LFNG: variants seen among roughly 807,000 people sequenced by gnomAD.
LFNG encodes the protein LFNG O-fucosylpeptide 3-beta-N-acetylglucosaminyltransferase, also known as beta-1,3-N-acetylglucosaminyltransferase lunatic fringe.
A neutral mutation model predicts 32.7 loss-of-function variants in LFNG; 15 were observed. The observed-to-expected ratio is 0.46, with a 90% CI of 0.31 to 0.71. The LOEUF is 0.71. Among genes scored for constraint, LFNG ranks in the 30% least tolerant of loss-of-function variants. The pLI is 0.06. For synonymous variants in LFNG, 274 were observed against 246.8 expected (o/e 1.11, Z -1.03); for missense variants, 520 against 545.7 (o/e 0.95, Z 0.47).
At chr7:2,524,161 C>T (rs1779872053) in intron 1 of LFNG, among the ~76,000 whole-genome samples, 1 of 152,224 alleles carries the variant, frequency 6.6e-6, no homozygotes, top group South Asian at 2.1e-4. Context: ...CTTTGTCCGC[C>T]AGGGCTTGGC....
chr7:2,524,378 C>T (rs757363816), intron 1 of LFNG, among the ~76,000 whole-genome samples: 3 of 152,200 alleles, frequency 2.0e-5, no homozygotes, highest in Admixed American at 6.5e-5. Flanking sequence ...ACCTGGCGGG[C>T]GGGCGAGGCG....
At chr7:2,518,225 C>T (rs1779677286), upstream of LFNG, among the ~76,000 whole-genome samples, 1 of 152,224 alleles carries the variant, frequency 6.6e-6, no homozygotes, top group Non-Finnish European at 1.5e-5. Flanking sequence ...GGCTCCAGGG[C>T]TAGGCTCTGG....
chr7:2,523,194 C>CCCT (rs1779842482), intron 1 of LFNG, among the ~76,000 whole-genome samples: 1 of 152,224 alleles, frequency 6.6e-6, no homozygotes, highest in East Asian at 1.9e-4. Context: ...CAGGGGCTGG[C>CCCT]CCTCCGCCTC....
At chr7:2,517,769 G>T, upstream of LFNG, 1 of 750,202 alleles carries the variant, frequency 1.3e-6, no homozygotes, top group Non-Finnish European at 2.0e-6. Flanking sequence ...GCAGGGGATT[G>T]AGGAGGGATT....
At chr7:2,524,038 G>A (rs13234810) in intron 1 of LFNG, among the ~76,000 whole-genome samples, 87,743 of 152,028 alleles carry the variant, frequency 0.58, 26,521 homozygotes, top group Non-Finnish European at 0.67. Context: ...GTAATGGGCG[G>A]CGCGGCCACT....
chr7:2,521,998 C>T (rs1034309800), intron 1 of LFNG, among the ~76,000 whole-genome samples: 1 of 152,162 alleles, frequency 6.6e-6, no homozygotes, highest in Non-Finnish European at 1.5e-5. Context: ...CACCAGCACA[C>T]AGCAAGCAAA....
At chr7:2,522,394 G>T (rs1465770086) in intron 1 of LFNG, among the ~76,000 whole-genome samples, 1 of 152,214 alleles carries the variant, frequency 6.6e-6, no homozygotes, top group Admixed American at 6.5e-5. Context: ...GCTGAGATGG[G>T]CCTGGAGTCC....
intron 1 of LFNG, among the ~76,000 whole-genome samples, chr7:2,521,013 G>A (rs1003957281): frequency 2.0e-5 from 3 of 152,222 alleles, no homozygotes; most frequent in African/African-American, 7.2e-5. Flanking sequence ...TGGGGACAGT[G>A]TGTGGGGCTT....
rs140627680 is a variant in LFNG, at chr7:2,527,563, A to G, written c.*351A>G. Reference sequence around the variant, plus strand: ...GCTACGGGGCTCCGGGCTACTTTGCAGGGATGCGATGCGTAGGTGCCTTTC... The same window carrying G: ...GCTACGGGGCTCCGGGCTACTTTGCGGGGATGCGATGCGTAGGTGCCTTTC... On this transcript the variant is annotated 3_prime_UTR_variant, in exon 8 of 8. Coordinates refer to ENST00000222725, the MANE Select transcript of LFNG (RefSeq NM_001040167.2). This position sits in a 1 kb window ranked among gnomAD's most constrained non-coding sequence, Gnocchi z 4.4. 1.6e-6 allele frequency: 2 copies of G among 1,240,242 alleles called. No homozygotes were observed. Among genetic ancestry groups the G allele is most frequent in the Non-Finnish European group, 2.0e-6 (2 of 976,280 alleles). 76.8% of individuals were successfully genotyped at this position (1,240,242 alleles called of 1,614,324 possible). A position where few individuals can be genotyped will look rare whatever the true frequency, so the allele number is the denominator to read the frequency against.
At chr7:2,522,137 C>T (rs1025784673) in intron 1 of LFNG, among the ~76,000 whole-genome samples, 11 of 152,098 alleles carry the variant, frequency 7.2e-5, no homozygotes, top group African/African-American at 2.7e-4. Context: ...CAGGGCTGTG[C>T]GGGGGGAAAA....
upstream of LFNG, among the ~76,000 whole-genome samples, chr7:2,519,074 G>T: frequency 6.6e-6 from 1 of 152,186 alleles, no homozygotes; most frequent in Non-Finnish European, 1.5e-5. Context: ...GTTTCTCCTC[G>T]CCATGGGGCG....
intron 2 of LFNG, 43 bp from the exon 3 acceptor site, chr7:2,525,176 G>T: frequency 6.4e-7 from 1 of 1,558,092 alleles, no homozygotes. Flanking sequence ...CCCCTCTCTG[G>T]GAGCCGGCTC....
chr7:2,527,104 G>A lies in LFNG; in HGVS notation c.1074-42G>A. On this transcript the variant is annotated intron_variant, in intron 7 of 7. Coordinates refer to ENST00000222725, the MANE Select transcript of LFNG (RefSeq NM_001040167.2). The surrounding 1 kb of genome is among the most constrained non-coding windows in gnomAD (Gnocchi z 4.4). ...GACTGCAAATGGGAGCTCAGCACCT[G>A]CCTGCCACCCACGCAGACCAGCCCC... 1.3e-6 allele frequency: 2 copies of A among 1,593,008 alleles called. No homozygotes were observed. The highest frequency in any genetic ancestry group is 8.6e-7 in the Non-Finnish European group (1 of 1,163,408).
intron 1 of LFNG, among the ~76,000 whole-genome samples, chr7:2,523,979 C>T (rs568927372): frequency 6.6e-6 from 1 of 152,278 alleles, no homozygotes; most frequent in South Asian, 2.1e-4. Context: ...GCACCCTACG[C>T]GCGGGACCTC....
In LFNG at chr7:2,528,362, CAG is replaced by C; in HGVS notation, c.*1151_*1152del. The C allele has an allele frequency of 8.1e-6, 8 of 986,290 alleles. No individual in the cohort carries two copies. Among genetic ancestry groups the C allele is most frequent in the Non-Finnish European group, 9.6e-6 (8 of 830,110 alleles). 61.1% of individuals were successfully genotyped at this position (986,290 alleles called of 1,614,324 possible). ...AAGCGAATGATAAGGGAAAAGTTCT[CAG>C]GGAATTGAAGTGTTGTTGCTATGGT... is the stretch of plus-strand genomic sequence containing the variant. On this transcript the variant is annotated 3_prime_UTR_variant, in exon 8 of 8. Coordinates refer to ENST00000222725, the MANE Select transcript of LFNG (RefSeq NM_001040167.2).
upstream of LFNG, chr7:2,517,539 C>T (rs1779657472): frequency 2.5e-6 from 1 of 400,700 alleles, no homozygotes. Flanking sequence ...GTCAAAGGCA[C>T]CGCAGTCAGG....
rs1224685050 is a variant in LFNG, at chr7:2,520,130, C to T, written c.269C>T (p.Pro90Leu). ...ACCCGCGCGCGCAGAGATGCGGGCC[C>T]GCCGCCCGGGGCTGCCCCCCGCCCC... ...LLTRARRDAG[P>L]PPGAAPRPAD... Residue 90 changes from proline to leucine, a missense_variant, in exon 1 of 8, where the codon CCG (proline) becomes CTG (leucine). This residue lies in a region of LFNG where 360 missense variants were observed against 354.7 expected (regional missense o/e 1.01). Coordinates refer to ENST00000222725, the MANE Select transcript of LFNG (RefSeq NM_001040167.2). The surrounding 1 kb of genome is among the most constrained non-coding windows in gnomAD (Gnocchi z 5.0). The T allele has an allele frequency of 1.5e-6, 2 of 1,366,236 alleles. No homozygotes were observed. Among genetic ancestry groups the T allele is most frequent in the African/African-American group, 1.5e-5 (1 of 65,250 alleles). The allele number at this position is 1,366,236 out of a possible 1,614,324, so 84.6% of individuals were successfully genotyped here.
rs1562554647 is a variant in LFNG, at chr7:2,525,586, C to T, written c.735+19C>T. 3.1e-6 allele frequency: 5 copies of T among 1,612,126 alleles called. No homozygotes were observed. Among genetic ancestry groups the T allele is most frequent in the South Asian group, 1.1e-5 (1 of 90,952 alleles). ...CAAGGTGGTGAGTGCCTGCCCCTCC[C>T]AGTCCCCCACGCCCACGCGGAGCGC... On this transcript the variant is annotated intron_variant, in intron 4 of 7. Coordinates refer to ENST00000222725, the MANE Select transcript of LFNG (RefSeq NM_001040167.2).
chr7:2,526,803 C>A lies in LFNG; in HGVS notation c.988-33C>A, dbSNP rs777288540. On this transcript the variant is annotated intron_variant, in intron 6 of 7. Transcript: ENST00000222725. The surrounding 1 kb of genome is among the most constrained non-coding windows in gnomAD (Gnocchi z 6.9). Reference sequence around the variant, plus strand: ...GGGGCGGGGCCCAGGGATGTCGGGCCCCTCCCGGCATCACTCCGCCCGCTC... The same window carrying A: ...GGGGCGGGGCCCAGGGATGTCGGGCACCTCCCGGCATCACTCCGCCCGCTC... The A allele has an allele frequency of 6.2e-7, 1 of 1,600,910 alleles. No individual in the cohort carries two copies. Among genetic ancestry groups the A allele is most frequent in the Admixed American group, 1.7e-5 (1 of 59,860 alleles).
Sources: gnomAD v4.1 joint callset for allele counts (sites outside exome capture counted in the v4.1 genomes callset) on GRCh38, gnomAD v4.1.1 for gene constraint, gnomAD v4.1.1 regional missense constraint, Gnocchi (gnomAD v3.1) non-coding constraint, MANE v1.5 for transcripts, NCBI Gene and HGNC (gene_info 2026-07-23, HGNC 2026-07-21) for gene names.